Variants in IL1RL2 observed in about 807,000 individuals in gnomAD.
IL1RL2 encodes the protein interleukin-1 receptor-like 2.
A neutral mutation model predicts 66.8 loss-of-function variants in IL1RL2; 68 were observed. The ratio of observed to expected loss-of-function variants is 1.02; its 90% CI spans 0.84 to 1.25. The LOEUF is 1.25. Ranked by LOEUF, IL1RL2 falls within the 50% of genes most tolerant of loss-of-function variation. The pLI, the probability that IL1RL2 is intolerant of heterozygous loss-of-function variation, is 0.00. For synonymous variants in IL1RL2, 305 were observed against 264.6 expected, an observed-to-expected ratio of 1.15 and a Z score of -1.48; for missense variants, 729 against 709.3, an observed-to-expected ratio of 1.03 and a Z score of -0.32.
At chr2:102,202,354 A>ATC (rs935481456) in intron 5 of IL1RL2, among the ~76,000 whole-genome samples, 6 of 151,552 alleles carry the variant, frequency 4.0e-5, no homozygotes, top group Non-Finnish European at 7.4e-5. Context: ...ATTTATATAT[A>ATC]GTATGTGCAT....
rs13405631 is a variant in IL1RL2 at position 102,212,160 on chromosome 2, T to C, written c.710T>C (p.Ile237Thr). Residue 237 changes from isoleucine (I) to threonine (T), a missense_variant, in exon 6 of 12, where the codon ATT becomes ACT. Ile to Thr is a moderately conservative substitution (Grantham distance 89, BLOSUM62 -1). Transcript: ENST00000264257. ...ATCATTTATCCAAAAAATCATTCAATTGAAGTACAGCTTGGTGAGTAAAAT... is the reference window on the plus strand; with the variant it reads ...ATCATTTATCCAAAAAATCATTCAACTGAAGTACAGCTTGGTGAGTAAAAT... ...PKIIYPKNHS[I>T]EVQLGTTLIV... 2,566 of 1,611,270 alleles carry C rather than the reference T, an allele frequency of 1.6e-3. 37 individuals are homozygous for C. The African/African-American group carries it at 0.028, about 18-fold the overall frequency.
In IL1RL2 at chr2:102,187,164, C is replaced by T. The variant is rs368267559; in HGVS notation, c.-13+78C>T. Reference sequence around the variant, plus strand: ...AGTAGGAGAGGTGTGCAGGAAAAGACGTGGCAACAATGTGTGCCACCGCAG... The same window carrying T: ...AGTAGGAGAGGTGTGCAGGAAAAGATGTGGCAACAATGTGTGCCACCGCAG... On this transcript the variant is annotated intron_variant, in intron 1 of 11. Transcript: ENST00000264257. 16 of 1,258,940 alleles carry T rather than the reference C, an allele frequency of 1.3e-5. No individual in the cohort carries two copies. In the African/African-American group the frequency reaches 2.4e-4, roughly 19 times the overall value. 78.0% of individuals were successfully genotyped at this position (1,258,940 alleles called of 1,614,324 possible).
At chr2:102,196,474 A>C (rs1687793324) in intron 4 of IL1RL2, among the ~76,000 whole-genome samples, 1 of 152,182 alleles carries the variant, frequency 6.6e-6, no homozygotes, top group Non-Finnish European at 1.5e-5. Context: ...GGTTGGAATC[A>C]ATTCTGCAAT....
chr2:102,198,978 C>A (rs761114979), intron 4 of IL1RL2, among the ~76,000 whole-genome samples: 1 of 152,094 alleles, frequency 6.6e-6, no homozygotes, highest in Non-Finnish European at 1.5e-5. Context: ...TTAATCTTAC[C>A]CTAAATAGGA....
At chr2:102,193,932 T>C (rs942198895) in intron 4 of IL1RL2, among the ~76,000 whole-genome samples, 1 of 152,168 alleles carries the variant, frequency 6.6e-6, no homozygotes, top group Admixed American at 6.5e-5. Flanking sequence ...ATCCTGGGTA[T>C]GATTGTTTGC....
At chr2:102,219,392 T>C (rs1689898187) in intron 7 of IL1RL2, among the ~76,000 whole-genome samples, 1 of 152,212 alleles carries the variant, frequency 6.6e-6, no homozygotes, top group Non-Finnish European at 1.5e-5. Flanking sequence ...CAAATGTGTA[T>C]ATTGCAACAG....
chr2:102,235,276 A>G lies in IL1RL2; in HGVS notation c.1677A>G (p.Ala559=). The G allele has an allele frequency of 6.2e-7, 1 of 1,611,750 alleles. No individual in the cohort carries two copies. Among genetic ancestry groups the G allele is most frequent in the South Asian group, 1.1e-5 (1 of 90,922 alleles). The change falls in exon 11 of 12, where the codon GCA becomes GCG. Residue 559 remains alanine, a splice_region_variant and synonymous_variant. Coordinates refer to ENST00000264257, the MANE Select transcript of IL1RL2 (RefSeq NM_003854.4). ...AGCACACACCTTGCTACCGCACCGCAGGTGAGCGGGTGGGAGGACACGAGG... is the reference window on the plus strand; with the variant it reads ...AGCACACACCTTGCTACCGCACCGCGGGTGAGCGGGTGGGAGGACACGAGG... ...LLQHTPCYRT[A]GPELGSRRKK...
At chr2:102,197,293 G>C (rs1306111447) in intron 4 of IL1RL2, among the ~76,000 whole-genome samples, 1 of 152,162 alleles carries the variant, frequency 6.6e-6, no homozygotes, top group Non-Finnish European at 1.5e-5. Context: ...TGCAGGTGAA[G>C]ATGCTGGAAG....
At position 102,219,989 on chromosome 2, in the gene IL1RL2, C is replaced by T. The variant is rs369903913; in HGVS notation, c.963C>T (p.Ser321=). Reference sequence around the variant, plus strand: ...CTTTCATGTGCCACGCTGGAGTGTCCACAGCATACATTATATTACAGCTCC... The same window carrying T: ...CTTTCATGTGCCACGCTGGAGTGTCTACAGCATACATTATATTACAGCTCC... The part of the protein sequence containing the change: ...GLPFMCHAGV[S]TAYIILQLPA... Residue 321 remains serine, a synonymous_variant, in exon 8 of 12, where the codon TCC becomes TCT. Coordinates refer to ENST00000264257, the MANE Select transcript of IL1RL2 (RefSeq NM_003854.4). 17 of 1,613,352 alleles carry T rather than the reference C, an allele frequency of 1.1e-5. No individual in the cohort carries two copies. The highest frequency in any genetic ancestry group is 1.4e-5 in the Non-Finnish European group (16 of 1,179,624).
chr2:102,219,839 A>C, intron 7 of IL1RL2, 42 bp from the exon 8 acceptor site: 1 of 1,550,162 alleles, frequency 6.5e-7, no homozygotes, highest in Non-Finnish European at 8.9e-7. Flanking sequence ...ATGTTGGGTA[A>C]ATCTGACTCA....
rs188307915 is a variant in IL1RL2 at position 102,234,157 on chromosome 2, T to C, written c.1298-740T>C. 1.2e-4 allele frequency among the ~76,000 whole-genome samples: 19 copies of C among 152,344 alleles called. No homozygotes were observed. The East Asian group carries it at 3.3e-3, about 26-fold the overall frequency. ...CATAAATCCTGGTCATTTAAATAAC[T>C]ATAAAGAACAAAAGGAAAACACAGA... On this transcript the variant is annotated intron_variant, in intron 10 of 11. Transcript: ENST00000264257.
chr2:102,241,333 A>G (rs570840108), downstream of IL1RL2, among the ~76,000 whole-genome samples: 8 of 152,136 alleles, frequency 5.3e-5, no homozygotes, highest in East Asian at 1.5e-3. Context: ...GGTCATAGGG[A>G]TTTCAGAGAG....
At chr2:102,198,512 G>A (rs1420299425) in intron 4 of IL1RL2, among the ~76,000 whole-genome samples, 1 of 152,178 alleles carries the variant, frequency 6.6e-6, no homozygotes, top group Non-Finnish European at 1.5e-5. Flanking sequence ...ACTTGCTGAA[G>A]TTACTTCGCG....
intron 8 of IL1RL2, among the ~76,000 whole-genome samples, chr2:102,223,460 G>T (rs1028634451): frequency 1.3e-5 from 2 of 152,190 alleles, no homozygotes; most frequent in African/African-American, 4.8e-5. Flanking sequence ...CTCAGATGGT[G>T]AATACCACCA....
intron 11 of IL1RL2, 93 bp downstream of exon 11, chr2:102,235,370 C>A (rs577272824): frequency 6.5e-7 from 1 of 1,529,062 alleles, no homozygotes; most frequent in Non-Finnish European, 8.8e-7. Context: ...CACGTTTCAT[C>A]GGGGCCGTCT....
At chr2:102,215,654 C>T (rs947461585) in intron 6 of IL1RL2, among the ~76,000 whole-genome samples, 14 of 152,026 alleles carry the variant, frequency 9.2e-5, no homozygotes, top group Non-Finnish European at 1.6e-4. Context: ...GCACACACAC[C>T]CTTGGCCTGA....
chr2:102,237,130 G>A lies in IL1RL2; in HGVS notation c.1678+1853G>A, dbSNP rs2287039. On this transcript the variant is annotated intron_variant, in intron 11 of 11. Transcript: ENST00000264257. ...CACCCTTCAGAGAGGACACGTCCCC[G>A]TACCTCTCCCACTCTCCCCACACTG... 8.5e-5 allele frequency among the ~76,000 whole-genome samples: 13 copies of A among 152,208 alleles called. No homozygotes were observed. The East Asian group carries it at 1.5e-3, about 18-fold the overall frequency.
At chr2:102,238,935 C>A (rs925185257) in intron 11 of IL1RL2, among the ~76,000 whole-genome samples, 1 of 152,146 alleles carries the variant, frequency 6.6e-6, no homozygotes, top group South Asian at 2.1e-4. Context: ...GACCTCAGAG[C>A]CCTGGCTCTT....
chr2:102,219,147 G>C, intron 7 of IL1RL2, 65 bp downstream of exon 7: 1 of 1,553,272 alleles, frequency 6.4e-7, no homozygotes, highest in South Asian at 1.1e-5. Flanking sequence ...AAGTGAATCT[G>C]GTATCACTAC....
Sources: gnomAD v4.1 joint callset for allele counts (sites outside exome capture counted in the v4.1 genomes callset) on GRCh38, gnomAD v4.1.1 for gene constraint, MANE v1.5 for transcripts, NCBI Gene and HGNC (gene_info 2026-07-23, HGNC 2026-07-21) for gene names.